ZFHX3: variants seen among roughly 807,000 people sequenced by gnomAD.
The protein encoded by ZFHX3 is zinc finger homeobox 3.
In ZFHX3, 42 loss-of-function variants were observed where a neutral mutation model predicts 279.1. The ratio of observed to expected loss-of-function variants is 0.15; its 90% confidence interval spans 0.12 to 0.19. The LOEUF (loss-of-function observed/expected upper bound fraction) is 0.19. ZFHX3 is among the 10% of genes least tolerant of loss of function. ZFHX3 has a pLI of 1.00. For missense variants in ZFHX3, 4,981 were observed against 4,754.0 expected, an observed-to-expected ratio of 1.05 and a Z score of -1.40; for synonymous variants, 2,293 against 1,957.8, an observed-to-expected ratio of 1.17 and a Z score of -4.52.
At chr16:73,158,836 C>T (rs112400143) in intron 5 of ZFHX3, among the ~76,000 whole-genome samples, 19,766 of 152,146 alleles carry the variant, frequency 0.13, 1,323 homozygotes, top group Admixed American at 0.17. Flanking sequence ...GGAAAGGACT[C>T]CCTATTCAAT....
chr16:73,798,609 A>T (rs1960063336), intron 1 of ZFHX3, among the ~76,000 whole-genome samples: 1 of 152,044 alleles, frequency 6.6e-6, no homozygotes, highest in Non-Finnish European at 1.5e-5. Context: ...ACAGGCACAC[A>T]TCTTGTGGGA....
rs556993268 is a variant in ZFHX3 at position 73,800,552 on chromosome 16, TTCC to T, written c.-1608+91096_-1608+91098del. Reference sequence around the variant, plus strand: ...ATTTATGTTGTGCTTTTTCTTCTTCTTCCTCCTCCTCCTCCTCTTCCTCTTTCC... The same window carrying T: ...ATTTATGTTGTGCTTTTTCTTCTTCTTCCTCCTCCTCCTCTTCCTCTTTCC... On this transcript the variant is annotated intron_variant, in intron 1 of 17. Transcript: ENST00000641206. Among the ~76,000 whole-genome samples the T allele has an allele frequency of 6.3e-3, 963 of 152,126 alleles. 8 individuals are homozygous for T. The highest frequency in any genetic ancestry group is 9.8e-3 in the Non-Finnish European group (666 of 67,994).
intron 5 of ZFHX3, among the ~76,000 whole-genome samples, chr16:73,151,953 G>A (rs1255832027): frequency 7.0e-6 from 1 of 143,004 alleles, no homozygotes; most frequent in African/African-American, 2.6e-5. Context: ...AACAGAAAAG[G>A]AGAGGGGCGG....
chr16:73,175,426 C>T (rs910876587), intron 5 of ZFHX3, among the ~76,000 whole-genome samples: 2 of 152,100 alleles, frequency 1.3e-5, no homozygotes, highest in Admixed American at 6.5e-5. Flanking sequence ...TGGCCCCTGC[C>T]TGCTTCTCCA....
chr16:73,173,513 A>C (rs1242169052), intron 5 of ZFHX3, among the ~76,000 whole-genome samples: 12 of 152,016 alleles, frequency 7.9e-5, no homozygotes, highest in African/African-American at 2.4e-5. Context: ...GGCCCTTCCC[A>C]GTTTCCCTTT....
At chr16:72,888,688 G>A (rs954658663) in intron 4 of ZFHX3, among the ~76,000 whole-genome samples, 5 of 152,322 alleles carry the variant, frequency 3.3e-5, no homozygotes, top group Non-Finnish European at 7.3e-5. Flanking sequence ...AGAAAGGGCT[G>A]GGCAACAATT....
chr16:73,752,580 A>G (rs1186062924), intron 1 of ZFHX3, among the ~76,000 whole-genome samples: 3 of 152,048 alleles, frequency 2.0e-5, no homozygotes, highest in Non-Finnish European at 4.4e-5. Context: ...GGCAGCTATC[A>G]ATCCCAGCAG....
At chr16:73,456,155 T>G (rs1403376333) in exon 3 of ZFHX3, 1 of 152,140 alleles carries the variant, frequency 6.6e-6, no homozygotes, top group Non-Finnish European at 1.5e-5. Flanking sequence ...GCCTTTCTCC[T>G]CTTGCAAGGA....
At chr16:73,576,541 G>A (rs12597434) in intron 2 of ZFHX3, among the ~76,000 whole-genome samples, 29,040 of 152,016 alleles carry the variant, frequency 0.19, 3,109 homozygotes, top group Admixed American at 0.27. Context: ...TGATTCTTCC[G>A]TCATCATAGA....
rs929742845 is a variant in ZFHX3, at chr16:73,260,700, T to G, written c.-1193-3564A>C. On this transcript the variant is annotated intron_variant, in intron 4 of 17. Transcript: ENST00000641206. Reference sequence around the variant, plus strand: ...ATCTGGTTTTTTTTTTTTTTTTTTTTTTTTTTTGAGATGGAGCTTTGCTCT... The same window carrying G: ...ATCTGGTTTTTTTTTTTTTTTTTTTGTTTTTTTGAGATGGAGCTTTGCTCT... 6.3e-4 allele frequency among the ~76,000 whole-genome samples: 91 copies of G among 144,594 alleles called. 2 individuals carry two copies. Among genetic ancestry groups the G allele is most frequent in the Non-Finnish European group, 1.3e-3 (84 of 66,800 alleles). 94.9% of individuals were successfully genotyped at this position (144,594 alleles called of 152,430 possible). A position where few individuals can be genotyped will look rare whatever the true frequency, so the allele number is the denominator to read the frequency against.
chr16:73,752,935 C>T (rs988760247), intron 1 of ZFHX3, among the ~76,000 whole-genome samples: 1 of 152,164 alleles, frequency 6.6e-6, no homozygotes, highest in Non-Finnish European at 1.5e-5. Context: ...ACAGCGGATC[C>T]TCATTATCTG....
chr16:73,160,960 A>G (rs1165355143), intron 5 of ZFHX3, among the ~76,000 whole-genome samples: 1 of 151,796 alleles, frequency 6.6e-6, no homozygotes, highest in Admixed American at 6.6e-5. Context: ...TTCTTTGGCC[A>G]ATGGGTTGAT....
intron 1 of ZFHX3, among the ~76,000 whole-genome samples, chr16:73,694,430 A>ACC (rs779612288): frequency 6.6e-6 from 1 of 152,114 alleles, no homozygotes. Flanking sequence ...TACAACGTCC[A>ACC]CCTCCCGAGC....
At chr16:73,162,228 C>T (rs1445154507) in intron 5 of ZFHX3, among the ~76,000 whole-genome samples, 1 of 152,226 alleles carries the variant, frequency 6.6e-6, no homozygotes, top group East Asian at 1.9e-4. Context: ...TCATTACCGC[C>T]TGAGCTCTGC....
At chr16:73,385,296 A>T (rs1264713194) in intron 3 of ZFHX3, among the ~76,000 whole-genome samples, 1 of 152,176 alleles carries the variant, frequency 6.6e-6, no homozygotes, top group African/African-American at 2.4e-5. Context: ...GATAGGAAAA[A>T]TTACTAAAAC....
chr16:73,269,648 T>TC (rs1567435688), intron 4 of ZFHX3, among the ~76,000 whole-genome samples: 1 of 152,202 alleles, frequency 6.6e-6, no homozygotes, highest in Non-Finnish European at 1.5e-5. Context: ...GGGTATATGT[T>TC]TTTATTTCTT....
chr16:73,572,237 G>A (rs960202946), intron 2 of ZFHX3, among the ~76,000 whole-genome samples: 1 of 150,922 alleles, frequency 6.6e-6, no homozygotes, highest in Non-Finnish European at 1.5e-5. Flanking sequence ...ATTACAATAA[G>A]GTAGGCATAG....
chr16:72,884,593 A>G lies in ZFHX3; in HGVS notation c.3448+5138T>C, dbSNP rs542386797. 5.8e-4 allele frequency among the ~76,000 whole-genome samples: 89 copies of G among 152,332 alleles called. No homozygotes were observed. The Middle Eastern group carries it at 0.014, about 23-fold the overall frequency. ...TTGGAGGTCTATGTCTACATGAAAGAAAAAGTACTTAGGACAAGGCGAGTA... is the reference window on the plus strand; with the variant it reads ...TTGGAGGTCTATGTCTACATGAAAGGAAAAGTACTTAGGACAAGGCGAGTA... On this transcript the variant is annotated intron_variant, in intron 4 of 9. Coordinates refer to ENST00000268489, the MANE Select transcript of ZFHX3 (RefSeq NM_006885.4).
chr16:73,594,603 G>A (rs936181597), intron 2 of ZFHX3, among the ~76,000 whole-genome samples: 2 of 152,154 alleles, frequency 1.3e-5, no homozygotes, highest in Non-Finnish European at 2.9e-5. Flanking sequence ...AAACAGAATA[G>A]AGTCTAGAGG....
Sources: gnomAD v4.1 joint callset for allele counts (sites outside exome capture counted in the v4.1 genomes callset) on GRCh38, gnomAD v4.1.1 for gene constraint, MANE v1.5 for transcripts, NCBI Gene and HGNC (gene_info 2026-07-23, HGNC 2026-07-21) for gene names.